AGO3: variants seen among roughly 807,000 people sequenced by gnomAD.
The protein encoded by AGO3 is protein argonaute-3.
AGO3 carries 16 observed loss-of-function variants against 105.5 expected under a neutral mutation model. The observed-to-expected ratio is 0.15, with a 90% confidence interval of 0.10 to 0.23. The LOEUF (loss-of-function observed/expected upper bound fraction) is 0.23. Ranked by LOEUF, AGO3 falls within the 10% of genes least tolerant of loss-of-function variation. AGO3 has a pLI of 1.00. For synonymous variants in AGO3, 340 were observed against 367.3 expected (o/e 0.93, Z 0.85); for missense variants, 534 against 1,088.0 (o/e 0.49, Z 7.16).
At chr1:36,040,216 A>C (rs1642189327) in intron 15 of AGO3, 91 bp from the exon 16 acceptor site, 1 of 1,403,224 alleles carries the variant, frequency 7.1e-7, no homozygotes, top group South Asian at 1.3e-5. Context: ...GGTGAAATTA[A>C]GGAATCCTGA....
intron 2 of AGO3, 144 bp from the exon 3 acceptor site, chr1:35,966,811 A>C (rs1387770940): frequency 1.0e-6 from 1 of 970,334 alleles, no homozygotes; most frequent in South Asian, 2.5e-5. Context: ...TCTTAAGCCA[A>C]GATTCTAAAA....
At chr1:35,994,564 A>G (rs1648084304) in intron 5 of AGO3, among the ~76,000 whole-genome samples, 1 of 146,566 alleles carries the variant, frequency 6.8e-6, no homozygotes, top group Non-Finnish European at 1.5e-5. Context: ...AATAAAAGGC[A>G]TAATTTGTAA....
chr1:35,994,263 G>C (rs969685509), intron 5 of AGO3, among the ~76,000 whole-genome samples: 8 of 151,642 alleles, frequency 5.3e-5, no homozygotes, highest in Non-Finnish European at 1.5e-5. Flanking sequence ...TTCATTTTTT[G>C]AGGCTGGTAA....
chr1:35,951,922 C>G (rs988385518), intron 2 of AGO3, among the ~76,000 whole-genome samples: 3 of 151,932 alleles, frequency 2.0e-5, no homozygotes, highest in African/African-American at 4.8e-5. Flanking sequence ...AAAATGTACA[C>G]CTCAGTGGTT....
At chr1:36,047,597 A>T (rs1642529153) in intron 17 of AGO3, among the ~76,000 whole-genome samples, 1 of 152,140 alleles carries the variant, frequency 6.6e-6, no homozygotes, top group Admixed American at 6.6e-5. Flanking sequence ...ATGAAATATT[A>T]GGTTGGGCAT....
chr1:36,046,621 T>C (rs1377125948), intron 17 of AGO3, among the ~76,000 whole-genome samples: 1 of 8,024 alleles, frequency 1.2e-4, no homozygotes, highest in Non-Finnish European at 3.2e-4. Context: ...TCAGTCTCTA[T>C]TTAAAAAAAA....
chr1:35,953,527 ATT>A (rs755046844), intron 2 of AGO3, among the ~76,000 whole-genome samples: 46 of 140,838 alleles, frequency 3.3e-4, no homozygotes, highest in African/African-American at 8.0e-4. Context: ...TCCTTTGCTA[ATT>A]TTTTTTTTTT....
At chr1:36,040,083 C>A in intron 15 of AGO3, 99 bp downstream of exon 15, 1 of 1,316,208 alleles carries the variant, frequency 7.6e-7, no homozygotes, top group Non-Finnish European at 1.0e-6. Context: ...TAGAGTTCCC[C>A]AAGTCAAAAC....
Position 36,058,833 on chromosome 1 carries a change from A to AT in AGO3, c.*3095dup, listed in dbSNP as rs1466145473. 1 of 152,064 alleles carries AT rather than the reference A, an allele frequency of 6.6e-6. No homozygotes were observed. Among genetic ancestry groups the AT allele is most frequent in the Non-Finnish European group, 1.5e-5 (1 of 68,000 alleles). 9.4% of individuals were successfully genotyped at this position (152,064 alleles called of 1,614,324 possible). ...CCAGAAAAATTTCCTATAAAGATGG[A>AT]TTTTTTTACACTGAAATTTTACTGA... On this transcript the variant is annotated 3_prime_UTR_variant, in exon 19 of 19. Transcript: ENST00000373191.
chr1:36,006,108 CTT>C (rs540659653), intron 6 of AGO3, among the ~76,000 whole-genome samples: 10 of 136,036 alleles, frequency 7.4e-5, no homozygotes, highest in East Asian at 2.1e-4. Flanking sequence ...TAAAATAGGG[CTT>C]TTTTTTTTTT....
At chr1:35,957,665 G>C (rs754168607) in intron 2 of AGO3, among the ~76,000 whole-genome samples, 10 of 152,230 alleles carry the variant, frequency 6.6e-5, no homozygotes, top group South Asian at 2.1e-4. Flanking sequence ...GGTGAAGGTT[G>C]CAGTGAGCAG....
At chr1:35,975,186 A>G (rs999740917) in intron 5 of AGO3, among the ~76,000 whole-genome samples, 4 of 152,196 alleles carry the variant, frequency 2.6e-5, no homozygotes, top group African/African-American at 9.6e-5. Flanking sequence ...ATTGCACTCC[A>G]TAGAGATAGT....
At position 35,973,613 on chromosome 1, in the gene AGO3, A is replaced by G. The variant is rs1032220268; in HGVS notation, c.658+102A>G. On this transcript the variant is annotated intron_variant, in intron 5 of 18. Transcript: ENST00000373191. ...TTATACATACTGGTGTCTCGAAGTA[A>G]TATTTGGACATGTATTATGATCTAC... 28 of 1,207,392 alleles carry G rather than the reference A, an allele frequency of 2.3e-5. No individual in the cohort carries two copies. The African/African-American group carries it at 3.9e-4, about 17-fold the overall frequency. 74.8% of individuals were successfully genotyped at this position (1,207,392 alleles called of 1,614,324 possible). A position where few individuals can be genotyped will look rare whatever the true frequency, so the allele number is the denominator to read the frequency against.
intron 1 of AGO3, among the ~76,000 whole-genome samples, chr1:35,937,146 A>T (rs1646164183): frequency 6.6e-6 from 1 of 152,166 alleles, no homozygotes; most frequent in African/African-American, 2.4e-5. Flanking sequence ...TCACTCCTGT[A>T]ATCTCAGTGC....
intron 5 of AGO3, among the ~76,000 whole-genome samples, chr1:35,993,377 C>A (rs1031444872): frequency 2.6e-5 from 4 of 151,966 alleles, no homozygotes; most frequent in Non-Finnish European, 2.9e-5. Flanking sequence ...AAACTCCTAG[C>A]AAGACTAATC....
At chr1:36,043,903 G>T (rs1480956818) in intron 17 of AGO3, among the ~76,000 whole-genome samples, 1 of 151,942 alleles carries the variant, frequency 6.6e-6, no homozygotes, top group Non-Finnish European at 1.5e-5. Flanking sequence ...GCACTATTTT[G>T]CTCAGGCTAG....
intron 13 of AGO3, among the ~76,000 whole-genome samples, chr1:36,034,714 A>G (rs1317592029): frequency 6.6e-6 from 1 of 152,248 alleles, no homozygotes; most frequent in Non-Finnish European, 1.5e-5. Context: ...CTCACTGGAG[A>G]GCCCAGCTTG....
rs1643084662 is a variant in AGO3, at chr1:36,065,804, TAGAA to T, written c.*10066_*10069del. On this transcript the variant is annotated 3_prime_UTR_variant, in exon 19 of 19. Coordinates refer to ENST00000373191, the MANE Select transcript of AGO3 (RefSeq NM_024852.4). ...CTTGTTCATGTTTAGTTCACCTCTT[TAGAA>T]AGAAAGCTTTGTGGCCAGGTGCAGT... is the stretch of plus-strand genomic sequence containing the variant. 1 of 152,380 alleles carries T rather than the reference TAGAA, an allele frequency of 6.6e-6. No homozygotes were observed. Among genetic ancestry groups the T allele is most frequent in the South Asian group, 2.1e-4 (1 of 4,828 alleles). The allele number at this position is 152,380 out of a possible 1,614,324, so 9.4% of individuals were successfully genotyped here. A position where few individuals can be genotyped will look rare whatever the true frequency, so the allele number is the denominator to read the frequency against.
chr1:36,045,730 A>G (rs1329493803), intron 17 of AGO3, among the ~76,000 whole-genome samples: 3 of 151,952 alleles, frequency 2.0e-5, no homozygotes, highest in Non-Finnish European at 4.4e-5. Flanking sequence ...TTTAGTAGAG[A>G]TGAGGTTTCA....
Sources: allele counts gnomAD v4.1 joint callset (sites outside exome capture counted in the v4.1 genomes callset), GRCh38; gene constraint gnomAD v4.1.1; transcripts MANE v1.5; gene names NCBI Gene and HGNC (gene_info 2026-07-23, HGNC 2026-07-21).